Variants in LRRK2 observed in about 807,000 individuals in gnomAD.
LRRK2 encodes the protein leucine-rich repeat serine/threonine-protein kinase 2.
LRRK2 carries 203 observed loss-of-function variants against 302.6 expected under a neutral mutation model. That is an observed-to-expected ratio of 0.67 (90% CI 0.60 to 0.75). LRRK2 has a LOEUF of 0.75. LRRK2 is among the 30% of genes least tolerant of loss of function. LRRK2 has a pLI of 0.00. For synonymous variants in LRRK2, 1,066 were observed against 1,031.9 expected, an observed-to-expected ratio of 1.03 and a Z score of -0.63; for missense variants, 2,830 against 2,951.0, an observed-to-expected ratio of 0.96 and a Z score of 0.95.
chr12:40,337,274 C>A (rs1353826924), intron 40 of LRRK2, among the ~76,000 whole-genome samples: 1 of 152,190 alleles, frequency 6.6e-6, no homozygotes, highest in Non-Finnish European at 1.5e-5. Context: ...CATACAAGAA[C>A]TTTCTTCACG....
chr12:40,323,309 A>T lies in LRRK2; in HGVS notation c.5656+3A>T. ...ACAAGCTCCAGAGTTTCTCCTAGGTAATTCTTTTTGTTAATTTGAGAATAA... is the reference window on the plus strand; with the variant it reads ...ACAAGCTCCAGAGTTTCTCCTAGGTTATTCTTTTTGTTAATTTGAGAATAA... On this transcript the variant is annotated splice_donor_region_variant and intron_variant, in intron 38 of 50. Transcript: ENST00000298910. 2 of 1,607,248 alleles carry T rather than the reference A, an allele frequency of 1.2e-6. No homozygotes were observed. Among genetic ancestry groups the T allele is most frequent in the Non-Finnish European group, 1.7e-6 (2 of 1,176,214 alleles).
At chr12:40,226,783 G>A (rs1472584602) in intron 2 of LRRK2, among the ~76,000 whole-genome samples, 1 of 152,188 alleles carries the variant, frequency 6.6e-6, no homozygotes. Context: ...TGGAATATGA[G>A]TCACTTTTTG....
At chr12:40,296,595 G>C (rs951117704) in intron 23 of LRRK2, among the ~76,000 whole-genome samples, 5 of 151,422 alleles carry the variant, frequency 3.3e-5, no homozygotes, top group African/African-American at 1.2e-4. Context: ...TCGCACCACT[G>C]TACTCTAGCC....
chr12:40,323,430 T>G lies in LRRK2; in HGVS notation c.5656+124T>G, dbSNP rs1945457437. ...TGTCTTCATATATTTGTTATAATTT[T>G]TGTATTTGGAATGATATATTTTAAA... On this transcript the variant is annotated intron_variant, in intron 38 of 50. Transcript: ENST00000298910. The G allele has an allele frequency of 5.7e-6, 5 of 883,138 alleles. No homozygotes were observed. The East Asian group carries it at 1.4e-4, about 24-fold the overall frequency. The allele number at this position is 883,138 out of a possible 1,614,324, so 54.7% of individuals were successfully genotyped here.
intron 25 of LRRK2, among the ~76,000 whole-genome samples, chr12:40,301,561 C>T (rs987643878): frequency 1.3e-5 from 2 of 152,100 alleles, no homozygotes; most frequent in Admixed American, 6.6e-5. Context: ...ATTTATTTTG[C>T]GAATAGGTGA....
chr12:40,234,481 T>A (rs1176424738), intron 3 of LRRK2, among the ~76,000 whole-genome samples: 1 of 146,746 alleles, frequency 6.8e-6, no homozygotes, highest in Non-Finnish European at 1.5e-5. Flanking sequence ...CGGGTTCAAG[T>A]GATTCTCCTG....
At chr12:40,237,679 T>A (rs1440132695) in intron 4 of LRRK2, among the ~76,000 whole-genome samples, 11 of 152,152 alleles carry the variant, frequency 7.2e-5, no homozygotes, top group Admixed American at 7.2e-4. Flanking sequence ...TAAGAATGTA[T>A]TTCAGATGTT....
intron 19 of LRRK2, among the ~76,000 whole-genome samples, chr12:40,284,539 C>T (rs17519846): frequency 0.4 from 61,179 of 151,738 alleles, 12,895 homozygotes; most frequent in South Asian, 0.54. Flanking sequence ...CCTATGCATT[C>T]AAATGTATGT....
intron 18 of LRRK2, among the ~76,000 whole-genome samples, chr12:40,280,640 A>AATAAAATAAT (rs1943650232): frequency 6.7e-6 from 1 of 149,110 alleles, no homozygotes; most frequent in Non-Finnish European, 1.5e-5. Flanking sequence ...AATAAAATAA[A>AATAAAATAAT]ATAAAATAAA....
chr12:40,334,230 G>A (rs147469358), intron 39 of LRRK2, among the ~76,000 whole-genome samples: 1,760 of 152,208 alleles, frequency 0.012, 39 homozygotes, highest in African/African-American at 0.04. Flanking sequence ...TGAGTTTGAC[G>A]TGGCCTGTTA....
intron 38 of LRRK2, among the ~76,000 whole-genome samples, chr12:40,325,859 G>GT (rs1367735166): frequency 2.0e-5 from 3 of 152,100 alleles, no homozygotes; most frequent in Non-Finnish European, 4.4e-5. Context: ...GAATAGACTT[G>GT]TTTTGTGAAT....
chr12:40,323,800 T>C (rs1397621659), intron 38 of LRRK2, among the ~76,000 whole-genome samples: 1 of 13,844 alleles, frequency 7.2e-5, no homozygotes, highest in Non-Finnish European at 1.3e-4. Flanking sequence ...CTCAAATACT[T>C]TTTTTTTTTT....
chr12:40,225,041 C>A lies in LRRK2; in HGVS notation c.-91C>A, dbSNP rs957511525. ...GGCTGCGGGCGGTGAGCTGAGCTCG[C>A]CCCCGGGGAGCTGTGGCCGGCGCCC... On this transcript the variant is annotated 5_prime_UTR_variant, in exon 1 of 51. Coordinates refer to ENST00000298910, the MANE Select transcript of LRRK2 (RefSeq NM_198578.4). 7 of 1,547,124 alleles carry A rather than the reference C, an allele frequency of 4.5e-6. No homozygotes were observed. The highest frequency in any genetic ancestry group is 5.3e-6 in the Non-Finnish European group (6 of 1,133,160).
chr12:40,323,038 G>C lies in LRRK2; in HGVS notation c.5510-122G>C, dbSNP rs2136894318. ...AATTTCCTAGAGAAATATAGGATTG[G>C]TTAGAAAGGGAGGGATTAGAAATTA... On this transcript the variant is annotated intron_variant, in intron 37 of 50. Coordinates refer to ENST00000298910, the MANE Select transcript of LRRK2 (RefSeq NM_198578.4). 3.7e-6 allele frequency: 3 copies of C among 800,284 alleles called. No individual in the cohort carries two copies. In the South Asian group the frequency reaches 4.9e-5, roughly 13 times the overall value. 49.6% of individuals were successfully genotyped at this position (800,284 alleles called of 1,614,324 possible). A position where few individuals can be genotyped will look rare whatever the true frequency, so the allele number is the denominator to read the frequency against.
rs1338555229 is a variant in LRRK2 at position 40,237,910 on chromosome 12, T to G, written c.437-59T>G. 3.9e-5 allele frequency: 60 copies of G among 1,542,082 alleles called. No homozygotes were observed. In the Admixed American group the frequency reaches 9.9e-4, roughly 25 times the overall value. On this transcript the variant is annotated intron_variant, in intron 4 of 50. Transcript: ENST00000298910. ...TGTAAAAATTAATTCATGTAAAAAT[T>G]AACACATTAAATGTTAAAGCAGCTC...
chr12:40,299,125 A>G lies in LRRK2; in HGVS notation c.3364A>G (p.Ile1122Val), dbSNP rs34805604. Residue 1122 changes from isoleucine to valine, a missense_variant, in exon 25 of 51, where the codon ATA becomes GTA. Ile to Val is a conservative substitution (Grantham distance 29). This residue lies in a region of LRRK2 where 2,121 missense variants were observed against 2,148.0 expected (regional missense o/e 0.99). Coordinates refer to ENST00000298910, the MANE Select transcript of LRRK2 (RefSeq NM_198578.4). The stretch of plus-strand genomic sequence containing the variant: ...TGTGACTAGAAATAAAATATCAGGG[A>G]TATGCTCCCCCTTGAGACTGAAGGA... The part of the protein sequence containing the change: ...LILEGNKISG[I>V]CSPLRLKELK... The G allele has an allele frequency of 1.2e-6, 2 of 1,612,972 alleles. No homozygotes were observed. Among genetic ancestry groups the G allele is most frequent in the South Asian group, 1.1e-5 (1 of 91,058 alleles).
chr12:40,266,548 T>C (rs2136558240), intron 14 of LRRK2, among the ~76,000 whole-genome samples: 1 of 152,284 alleles, frequency 6.6e-6, no homozygotes, highest in South Asian at 2.1e-4. Flanking sequence ...TTTTACACTG[T>C]TGGTGGGACT....
At chr12:40,310,315 T>C in intron 30 of LRRK2, 116 bp from the exon 31 acceptor site, 1 of 942,166 alleles carries the variant, frequency 1.1e-6, no homozygotes, top group Non-Finnish European at 1.7e-6. Context: ...TCTTCTGAAG[T>C]CTGCTAGTTT....
chr12:40,256,705 C>T (rs1942527116), intron 11 of LRRK2, among the ~76,000 whole-genome samples: 1 of 152,182 alleles, frequency 6.6e-6, no homozygotes, highest in South Asian at 2.1e-4. Flanking sequence ...CAGCTGAAGG[C>T]TGAAAGCAAC....
Sources: gnomAD v4.1 joint callset for allele counts (sites outside exome capture counted in the v4.1 genomes callset) on GRCh38, gnomAD v4.1.1 for gene constraint, gnomAD v4.1.1 regional missense constraint, MANE v1.5 for transcripts, NCBI Gene and HGNC (gene_info 2026-07-23, HGNC 2026-07-21) for gene names.